Variants in FRMD3 observed in about 807,000 individuals in gnomAD.
FRMD3 encodes the protein FERM domain-containing protein 3.
Under a neutral mutation model 70.2 loss-of-function variants are expected in FRMD3, and 33 were observed. The ratio of observed to expected loss-of-function variants is 0.47; its 90% confidence interval spans 0.36 to 0.63. The LOEUF is 0.63. Among genes scored for constraint, FRMD3 ranks in the 20% least tolerant of loss-of-function variants. The pLI is 0.00. For missense variants in FRMD3, 632 were observed against 711.4 expected, an observed-to-expected ratio of 0.89 and a Z score of 1.27; for synonymous variants, 279 against 255.9, an observed-to-expected ratio of 1.09 and a Z score of -0.86.
At chr9:83,410,389 G>A (rs576642358) in intron 1 of FRMD3, among the ~76,000 whole-genome samples, 1 of 152,156 alleles carries the variant, frequency 6.6e-6, no homozygotes, top group East Asian at 1.9e-4. Flanking sequence ...TTATACATGC[G>A]AACATGCAGA....
intron 13 of FRMD3, among the ~76,000 whole-genome samples, chr9:83,256,882 C>A (rs1013620942): frequency 4.6e-5 from 7 of 152,176 alleles, no homozygotes; most frequent in African/African-American, 1.7e-4. Context: ...CAAATGCTGT[C>A]AAGGTTGCAG....
intron 1 of FRMD3, among the ~76,000 whole-genome samples, chr9:83,500,993 G>A (rs1033135650): frequency 9.9e-5 from 15 of 152,104 alleles, no homozygotes; most frequent in Non-Finnish European, 1.9e-4. Context: ...TAATATATGC[G>A]AAATACATTA....
chr9:83,450,759 T>C (rs950608137), intron 1 of FRMD3, among the ~76,000 whole-genome samples: 1 of 152,122 alleles, frequency 6.6e-6, no homozygotes. Flanking sequence ...ACAAAACCAT[T>C]AAACTCTCTA....
chr9:83,394,994 A>G (rs1184578712), intron 1 of FRMD3, among the ~76,000 whole-genome samples: 2 of 152,206 alleles, frequency 1.3e-5, no homozygotes, highest in African/African-American at 4.8e-5. Flanking sequence ...TCATGTATCT[A>G]TTAAACACCT....
At chr9:83,465,057 T>C (rs1296619799) in intron 1 of FRMD3, among the ~76,000 whole-genome samples, 16 of 148,560 alleles carry the variant, frequency 1.1e-4, no homozygotes, top group Admixed American at 1.0e-3. Context: ...AAGCAGCAGC[T>C]TAATGAGATG....
At chr9:83,371,541 T>C (rs1223297138) in intron 3 of FRMD3, among the ~76,000 whole-genome samples, 4 of 152,244 alleles carry the variant, frequency 2.6e-5, no homozygotes, top group African/African-American at 9.6e-5. Context: ...GGTCTCAATC[T>C]CTTGACCTCC....
chr9:83,576,068 A>G, the FRMD3 span, among the ~76,000 whole-genome samples: 4 of 152,124 alleles, frequency 2.6e-5, no homozygotes, highest in Admixed American at 2.0e-4. Context: ...AAAATTTTCT[A>G]AAAGCCAGAC....
chr9:83,265,453 G>C (rs1316183127), intron 13 of FRMD3, among the ~76,000 whole-genome samples: 1 of 126,378 alleles, frequency 7.9e-6, no homozygotes. Flanking sequence ...TTAAATAAAA[G>C]TTGAAAGCCA....
Position 83,494,858 on chromosome 9 carries a change from TGCGCGC to T in FRMD3, c.147+43221_147+43226del, listed in dbSNP as rs67136269. 5.5e-3 allele frequency among the ~76,000 whole-genome samples: 823 copies of T among 148,792 alleles called. 3 individuals carry two copies. Among genetic ancestry groups the T allele is most frequent in the Middle Eastern group, 0.041 (12 of 290 alleles). On this transcript the variant is annotated intron_variant, in intron 1 of 13. Transcript: ENST00000304195. ...ATGTGTGTGTGTGTGTGTGTGTGTG[TGCGCGC>T]GCGCATGTGCGTGTGTATATATATG...
At chr9:83,258,240 C>T (rs577695373) in intron 13 of FRMD3, among the ~76,000 whole-genome samples, 1 of 152,326 alleles carries the variant, frequency 6.6e-6, no homozygotes, top group South Asian at 2.1e-4. Context: ...TGTTCTTCAT[C>T]TCATTACTGA....
chr9:83,456,294 C>CTTG (rs1405040208), intron 1 of FRMD3, among the ~76,000 whole-genome samples: 1 of 152,134 alleles, frequency 6.6e-6, no homozygotes, highest in Non-Finnish European at 1.5e-5. Context: ...GTGTGCCATG[C>CTTG]TTGATTTAGC....
At chr9:83,478,915 G>A (rs929949726) in intron 1 of FRMD3, among the ~76,000 whole-genome samples, 3 of 152,088 alleles carry the variant, frequency 2.0e-5, no homozygotes, top group Non-Finnish European at 4.4e-5. Context: ...TTATTTGTCT[G>A]TACTAGAAAG....
chr9:83,309,808 C>T (rs1248202417), intron 9 of FRMD3, among the ~76,000 whole-genome samples, 184 bp from the exon 10 acceptor site: 1 of 152,002 alleles, frequency 6.6e-6, no homozygotes, highest in African/African-American at 2.4e-5. Context: ...CTCCCTCACC[C>T]TTTGCAGATA....
At chr9:83,383,180 C>T (rs913054350) in intron 2 of FRMD3, among the ~76,000 whole-genome samples, 4 of 152,236 alleles carry the variant, frequency 2.6e-5, no homozygotes, top group African/African-American at 7.2e-5. Context: ...TCCTCCAGAT[C>T]GGACTAGCTG....
chr9:83,421,816 A>G (rs1367493075), intron 1 of FRMD3, among the ~76,000 whole-genome samples: 2 of 152,212 alleles, frequency 1.3e-5, no homozygotes, highest in Non-Finnish European at 1.5e-5. Context: ...AAATGTAAGG[A>G]GTTGGAGGTC....
rs551635168 is a variant in FRMD3 at position 83,471,958 on chromosome 9, A to T, written c.147+66127T>A. Among the ~76,000 whole-genome samples, 24 of 152,238 alleles carry T rather than the reference A, an allele frequency of 1.6e-4. No individual in the cohort carries two copies. The South Asian group carries it at 5.0e-3, about 32-fold the overall frequency. ...ATGTGAGCCTTGTATCCTTAAATCC[A>T]CCTAAGAGGCTTGTTGAGGTTTGAA... On this transcript the variant is annotated intron_variant, in intron 1 of 13. Coordinates refer to ENST00000304195, the MANE Select transcript of FRMD3 (RefSeq NM_174938.6).
intron 1 of FRMD3, among the ~76,000 whole-genome samples, chr9:83,495,459 G>A (rs4111744): frequency 0.51 from 77,540 of 152,062 alleles, 20,399 homozygotes; most frequent in African/African-American, 0.56. Context: ...TATAATTGGA[G>A]GTAACTGAGG....
Position 83,373,868 on chromosome 9 carries a change from G to T in FRMD3, c.253-913C>A, listed in dbSNP as rs117908808. Among the ~76,000 whole-genome samples, 15 of 152,268 alleles carry T rather than the reference G, an allele frequency of 9.9e-5. No homozygotes were observed. The East Asian group carries it at 1.9e-3, about 20-fold the overall frequency. On this transcript the variant is annotated intron_variant, in intron 2 of 13. Coordinates refer to ENST00000304195, the MANE Select transcript of FRMD3 (RefSeq NM_174938.6). ...AGGAAATCAGAAGAGCAAATTTACCGTCCATTGAGCTCTTGCACCTCACTC... is the reference window on the plus strand; with the variant it reads ...AGGAAATCAGAAGAGCAAATTTACCTTCCATTGAGCTCTTGCACCTCACTC...
In FRMD3 at chr9:83,452,801, C is replaced by T. The variant is rs192392528; in HGVS notation, c.148-63093G>A. On this transcript the variant is annotated intron_variant, in intron 1 of 13. Coordinates refer to ENST00000304195, the MANE Select transcript of FRMD3 (RefSeq NM_174938.6). ...CCGGCCTACTTCTTAGATCTTTTAACCAGAGCTTAAGAATACTTGTGAAAG... is the reference window on the plus strand; with the variant it reads ...CCGGCCTACTTCTTAGATCTTTTAATCAGAGCTTAAGAATACTTGTGAAAG... Among the ~76,000 whole-genome samples the T allele has an allele frequency of 9.3e-5, 14 of 150,492 alleles. No individual in the cohort carries two copies. In the Admixed American group the frequency reaches 9.3e-4, roughly 10 times the overall value.
Sources: allele counts gnomAD v4.1 joint callset (sites outside exome capture counted in the v4.1 genomes callset), GRCh38; gene constraint gnomAD v4.1.1; transcripts MANE v1.5; gene names NCBI Gene and HGNC (gene_info 2026-07-23, HGNC 2026-07-21).